GARS1: variants seen among roughly 807,000 people sequenced by gnomAD.
GARS1 encodes the protein glycine--tRNA ligase.
Under a neutral mutation model 86.4 loss-of-function variants are expected in GARS1, and 46 were observed. That is an observed-to-expected ratio of 0.53 (90% CI 0.42 to 0.68). The LOEUF is 0.68. GARS1 is among the 30% of genes least tolerant of loss of function. The pLI, the probability that GARS1 is intolerant of heterozygous loss-of-function variation, is 0.00. For synonymous variants in GARS1, 342 were observed against 329.8 expected (o/e 1.04, Z -0.40); for missense variants, 797 against 915.6 (o/e 0.87, Z 1.67).
chr7:30,607,028 A>G (rs146377471), intron 6 of GARS1, among the ~76,000 whole-genome samples: 1 of 152,348 alleles, frequency 6.6e-6, no homozygotes, highest in East Asian at 1.9e-4. Flanking sequence ...GAATGACAAT[A>G]CCAACACCAC....
At chr7:30,599,900 TCCCA>T in intron 2 of GARS1, 43 bp from the exon 3 acceptor site, 2 of 1,198,656 alleles carry the variant, frequency 1.7e-6, no homozygotes, top group Non-Finnish European at 2.5e-6. Flanking sequence ...AAGTTCAGAT[TCCCA>T]CCCACCCCTC....
chr7:30,599,692 C>T (rs1019096298), intron 2 of GARS1, among the ~76,000 whole-genome samples: 15 of 152,196 alleles, frequency 9.9e-5, no homozygotes, highest in African/African-American at 3.1e-4. Context: ...TGTGAGCCAC[C>T]GCACCTGGTC....
intron 8 of GARS1, 35 bp downstream of exon 8, chr7:30,612,280 G>T (rs1284212713): frequency 4.4e-6 from 7 of 1,599,418 alleles, no homozygotes; most frequent in Non-Finnish European, 6.0e-6. Context: ...ATTAGTGAAT[G>T]ACCTTGGCAT....
chr7:30,611,033 T>C (rs1441336671), intron 7 of GARS1, among the ~76,000 whole-genome samples: 1 of 152,212 alleles, frequency 6.6e-6, no homozygotes, highest in African/African-American at 2.4e-5. Context: ...TTTTAGCCCT[T>C]GGTTTTAAAG....
At chr7:30,629,317 A>T (rs546757846) in intron 14 of GARS1, among the ~76,000 whole-genome samples, 1 of 152,340 alleles carries the variant, frequency 6.6e-6, no homozygotes, top group Non-Finnish European at 1.5e-5. Context: ...GTTTATAAGA[A>T]GTCTTCATCA....
rs786204099 is a variant in GARS1, at chr7:30,609,704, C to G, written c.855C>G (p.Phe285Leu). The G allele has an allele frequency of 9.9e-6, 16 of 1,613,534 alleles. No individual in the cohort carries two copies. Among genetic ancestry groups the G allele is most frequent in the Non-Finnish European group, 1.2e-5 (14 of 1,179,642 alleles). Residue 285 changes from phenylalanine (F) to leucine (L), a missense_variant, in exon 7 of 17, where the codon TTC (phenylalanine) becomes TTG (leucine). By Grantham distance (22) the Phe-to-Leu change is conservative. Around this residue, in one of 2 missense-constraint regions of GARS1, gnomAD observed 598 missense variants for 738.7 expected, o/e 0.81. Transcript: ENST00000389266. ...CTTTTAACTTAATGTTCAAGACTTT[C>G]ATTGGGCCTGGAGGAAACATGCCTG... The part of the protein sequence containing the change: ...PVSFNLMFKT[F>L]IGPGGNMPGY...
chr7:30,613,800 T>G (rs926848575), intron 8 of GARS1, among the ~76,000 whole-genome samples: 3 of 152,236 alleles, frequency 2.0e-5, no homozygotes, highest in African/African-American at 7.2e-5. Context: ...TCCTCCTGGC[T>G]TTTGTTCCAT....
At chr7:30,602,130 C>T (rs1437747324) in intron 4 of GARS1, among the ~76,000 whole-genome samples, 1 of 151,556 alleles carries the variant, frequency 6.6e-6, no homozygotes, top group Non-Finnish European at 1.5e-5. Flanking sequence ...GCTCTGTCCC[C>T]CAGGCTGGAG....
chr7:30,600,839 C>G (rs529775953), intron 3 of GARS1, among the ~76,000 whole-genome samples: 1 of 152,280 alleles, frequency 6.6e-6, no homozygotes, highest in South Asian at 2.1e-4. Context: ...TGGGCTAGTC[C>G]TACTTGAAAT....
At chr7:30,617,056 A>C in intron 9 of GARS1, 58 bp from the exon 10 acceptor site, 1 of 1,564,422 alleles carries the variant, frequency 6.4e-7, no homozygotes, top group Non-Finnish European at 8.8e-7. Flanking sequence ...CTTGGCTTTG[A>C]AGAGTATTAA....
chr7:30,618,095 A>G (rs1225694266), intron 10 of GARS1, among the ~76,000 whole-genome samples: 2 of 152,240 alleles, frequency 1.3e-5, no homozygotes, highest in Non-Finnish European at 2.9e-5. Context: ...AAAAATCAAA[A>G]TTAGTCATAT....
At chr7:30,599,778 C>G (rs977470219) in intron 2 of GARS1, among the ~76,000 whole-genome samples, 169 bp from the exon 3 acceptor site, 2 of 151,854 alleles carry the variant, frequency 1.3e-5, no homozygotes, top group African/African-American at 2.4e-5. Flanking sequence ...TTATATTACT[C>G]AAAGGGAAAA....
rs1783266037 is a variant in GARS1, at chr7:30,632,927, T to A, written c.2094+490T>A. On this transcript the variant is annotated intron_variant, in intron 16 of 16. Coordinates refer to ENST00000389266, the MANE Select transcript of GARS1 (RefSeq NM_002047.4). The surrounding 1 kb of genome is among the most constrained non-coding windows in gnomAD (Gnocchi z 4.1). The stretch of plus-strand genomic sequence containing the variant: ...AGAAGCACAGAAGGAGAAGGATGAG[T>A]GGTAAGGGAAAGGAAAGAGTAGCTG... Among the ~76,000 whole-genome samples, 1 of 151,824 alleles carries A rather than the reference T, an allele frequency of 6.6e-6. No homozygotes were observed. The highest frequency in any genetic ancestry group is 2.1e-4 in the South Asian group (1 of 4,808).
intron 6 of GARS1, among the ~76,000 whole-genome samples, chr7:30,605,289 T>G (rs973928389): frequency 6.6e-6 from 1 of 152,274 alleles, no homozygotes; most frequent in Non-Finnish European, 1.5e-5. Context: ...ATTTAACAGC[T>G]CAGAACGAAT....
In GARS1 at chr7:30,633,893, T is replaced by C. The variant is rs1562784924; in HGVS notation, c.*33T>C. 2.2e-6 allele frequency: 3 copies of C among 1,354,118 alleles called. No individual in the cohort carries two copies. Among genetic ancestry groups the C allele is most frequent in the African/African-American group, 1.8e-5 (1 of 55,032 alleles). The allele number at this position is 1,354,118 out of a possible 1,614,324, so 83.9% of individuals were successfully genotyped here. ...TTTGACAACTTTTGACCACTTGCGC[T>C]AATAAAAAAAAAAAAAAACTACTCT... On this transcript the variant is annotated 3_prime_UTR_variant, in exon 17 of 17. Transcript: ENST00000389266.
intron 16 of GARS1, among the ~76,000 whole-genome samples, chr7:30,633,238 A>G (rs1438482001): frequency 6.6e-6 from 1 of 152,208 alleles, no homozygotes; most frequent in Non-Finnish European, 1.5e-5. Flanking sequence ...GAGATAAGCA[A>G]AACCTCCACC....
At chr7:30,628,531 A>T in intron 13 of GARS1, 29 bp from the exon 14 acceptor site, 1 of 1,442,778 alleles carries the variant, frequency 6.9e-7, no homozygotes. Context: ...ATTTGAGAGA[A>T]TGTTATTGAA....
Position 30,598,865 on chromosome 7 carries a change from C to T in GARS1, c.292C>T (p.Leu98Phe). Residue 98 changes from leucine (L) to phenylalanine (F), a missense_variant, in exon 2 of 17, where the codon CTC (leucine) becomes TTC (phenylalanine). By Grantham distance (22) the Leu-to-Phe change is conservative. Transcript: ENST00000389266. ...AGACGTAGACAAAGCAGTGGCTGAG[C>T]TCAAAGCCCGCAAGAGGGTTCTGGA... ...QVDVDKAVAE[L>F]KARKRVLEAK... 2 of 1,614,102 alleles carry T rather than the reference C, an allele frequency of 1.2e-6. No homozygotes were observed. The highest frequency in any genetic ancestry group is 1.7e-6 in the Non-Finnish European group (2 of 1,179,982).
At chr7:30,604,861 G>C (rs541982604) in intron 6 of GARS1, among the ~76,000 whole-genome samples, 21 of 152,284 alleles carry the variant, frequency 1.4e-4, no homozygotes, top group African/African-American at 5.1e-4. Flanking sequence ...ATTTACTGAG[G>C]TTTTGTGTAT....
Sources: gnomAD v4.1 joint callset for allele counts (sites outside exome capture counted in the v4.1 genomes callset) on GRCh38, gnomAD v4.1.1 for gene constraint, gnomAD v4.1.1 regional missense constraint, Gnocchi (gnomAD v3.1) non-coding constraint, MANE v1.5 for transcripts, NCBI Gene and HGNC (gene_info 2026-07-23, HGNC 2026-07-21) for gene names.